The following MAGI1 variants were observed in gnomAD, a reference collection of about 807,000 sequenced individuals.
MAGI1 encodes membrane-associated guanylate kinase, WW and PDZ domain-containing protein 1.
A neutral mutation model predicts 139.9 loss-of-function variants in MAGI1; 58 were observed. The ratio of observed to expected loss-of-function variants is 0.41; its 90% CI spans 0.34 to 0.52. The LOEUF is 0.52. MAGI1 is among the 20% of genes least tolerant of loss of function. The pLI is 0.12. For synonymous variants in MAGI1, 812 were observed against 737.9 expected, an observed-to-expected ratio of 1.10 and a Z score of -1.63; for missense variants, 1,874 against 1,901.6, an observed-to-expected ratio of 0.99 and a Z score of 0.27.
chr3:65,794,751 G>A (rs192532478), intron 1 of MAGI1, among the ~76,000 whole-genome samples: 12 of 151,380 alleles, frequency 7.9e-5, no homozygotes, highest in East Asian at 5.9e-4. Flanking sequence ...GGAGCCCCAC[G>A]ATGACATGGG....
intron 1 of MAGI1, among the ~76,000 whole-genome samples, chr3:65,984,512 A>G (rs952774869): frequency 5.0e-5 from 7 of 140,394 alleles, no homozygotes; most frequent in African/African-American, 1.6e-4. Context: ...TCAAAATAAA[A>G]TGTGTGTGTG....
At chr3:65,981,687 A>G (rs1026062311) in intron 1 of MAGI1, among the ~76,000 whole-genome samples, 8 of 152,104 alleles carry the variant, frequency 5.3e-5, no homozygotes, top group African/African-American at 1.9e-4. Flanking sequence ...GGTTTCCCCC[A>G]TATTGCTCTG....
chr3:65,758,716 A>G (rs1433830757), intron 1 of MAGI1, among the ~76,000 whole-genome samples: 1 of 152,146 alleles, frequency 6.6e-6, no homozygotes, highest in African/African-American at 2.4e-5. Flanking sequence ...CAGCCCCTAC[A>G]ACAAGAAGTA....
intron 4 of MAGI1, 33 bp from the exon 5 acceptor site, chr3:65,470,517 G>GAA: frequency 7.4e-7 from 1 of 1,354,744 alleles, no homozygotes; most frequent in Non-Finnish European, 1.0e-6. Context: ...GAGAGAGAGA[G>GAA]AGAGAGAAAA....
At position 65,814,446 on chromosome 3, in the gene MAGI1, C is replaced by A. The variant is rs1021670454; in HGVS notation, c.314-192358G>T. On this transcript the variant is annotated intron_variant, in intron 1 of 22. Transcript: ENST00000402939. ...CTCTCATTCACACAGCATTTGAAAT[C>A]ATCATCAGCTCAGACCTCCTGACTT... 3.9e-5 allele frequency among the ~76,000 whole-genome samples: 6 copies of A among 152,294 alleles called. No homozygotes were observed. The South Asian group carries it at 1.2e-3, about 32-fold the overall frequency.
chr3:65,502,411 C>T (rs1005296878), intron 2 of MAGI1, among the ~76,000 whole-genome samples: 4 of 146,860 alleles, frequency 2.7e-5, no homozygotes, highest in East Asian at 3.9e-4. Context: ...GATTTGTCTT[C>T]GTTAGTTTGG....
intron 1 of MAGI1, among the ~76,000 whole-genome samples, chr3:65,733,167 T>C (rs1339760869): frequency 1.3e-5 from 2 of 152,186 alleles, no homozygotes; most frequent in Non-Finnish European, 2.9e-5. Context: ...CAAGCAATTC[T>C]CCTGCCTCAG....
intron 12 of MAGI1, among the ~76,000 whole-genome samples, chr3:65,428,826 C>T (rs1255720220): frequency 4.6e-5 from 7 of 152,154 alleles, no homozygotes; most frequent in Admixed American, 3.9e-4. Flanking sequence ...TTGGGAGCTA[C>T]TTTAGATAAA....
chr3:65,490,906 C>T (rs7612710), intron 3 of MAGI1, among the ~76,000 whole-genome samples: 22,283 of 148,064 alleles, frequency 0.15, 1,764 homozygotes, highest in Middle Eastern at 0.2. Context: ...AAGGAAATTT[C>T]GCTGCTAATA....
intron 1 of MAGI1, among the ~76,000 whole-genome samples, chr3:65,803,379 T>A (rs191218974): frequency 3.3e-5 from 5 of 152,274 alleles, no homozygotes; most frequent in African/African-American, 1.2e-4. Context: ...TTAAATAATT[T>A]TCCTTTACAT....
chr3:65,389,224 AT>A (rs997166286), intron 14 of MAGI1, among the ~76,000 whole-genome samples: 2 of 151,450 alleles, frequency 1.3e-5, no homozygotes, highest in Non-Finnish European at 2.9e-5. Flanking sequence ...TATTTTCCTA[AT>A]TTTTTTTTCC....
intron 2 of MAGI1, among the ~76,000 whole-genome samples, chr3:65,519,529 G>A (rs1043721474): frequency 2.0e-5 from 3 of 152,068 alleles, no homozygotes; most frequent in Admixed American, 1.3e-4. Context: ...GGGATTACAG[G>A]CACCTGCCAC....
chr3:65,728,686 A>G (rs2033867555), intron 1 of MAGI1, among the ~76,000 whole-genome samples: 3 of 152,174 alleles, frequency 2.0e-5, no homozygotes. Flanking sequence ...AAGAGAAACA[A>G]CTGTCCCAAA....
intron 5 of MAGI1, among the ~76,000 whole-genome samples, chr3:65,459,043 A>G (rs1949596899): frequency 6.6e-6 from 1 of 152,198 alleles, no homozygotes; most frequent in South Asian, 2.1e-4. Flanking sequence ...TCCCAACACC[A>G]TTTATTGAAG....
intron 1 of MAGI1, among the ~76,000 whole-genome samples, chr3:65,988,706 C>G (rs1428596841): frequency 6.6e-6 from 1 of 152,152 alleles, no homozygotes; most frequent in African/African-American, 2.4e-5. Flanking sequence ...TGAGGACAAT[C>G]AACAGTCCAA....
intron 1 of MAGI1, among the ~76,000 whole-genome samples, chr3:66,005,617 T>C (rs2066974256): frequency 6.6e-6 from 1 of 152,132 alleles, no homozygotes; most frequent in South Asian, 2.1e-4. Flanking sequence ...CCTTGTGTCT[T>C]ACTATACATA....
intron 1 of MAGI1, among the ~76,000 whole-genome samples, chr3:65,871,197 A>G (rs2059926943): frequency 6.6e-6 from 1 of 152,092 alleles, no homozygotes; most frequent in African/African-American, 2.4e-5. Flanking sequence ...TCCACCTCCC[A>G]AAGTGCTGGG....
intron 11 of MAGI1, 137 bp from the exon 12 acceptor site, chr3:65,430,277 A>G (rs887255483): frequency 3.6e-6 from 3 of 833,090 alleles, no homozygotes; most frequent in Non-Finnish European, 5.6e-6. Context: ...AAGTGCTTCT[A>G]TTACTGATTT....
intron 1 of MAGI1, among the ~76,000 whole-genome samples, chr3:66,012,195 C>T (rs1470053440): frequency 6.6e-6 from 1 of 152,138 alleles, no homozygotes; most frequent in Admixed American, 6.5e-5. Context: ...CAGATGCATA[C>T]AGGCTTTAAT....
Sources: allele counts gnomAD v4.1 joint callset (sites outside exome capture counted in the v4.1 genomes callset), GRCh38; gene constraint gnomAD v4.1.1; transcripts MANE v1.5; gene names NCBI Gene and HGNC (gene_info 2026-07-23, HGNC 2026-07-21).